MCM9: variants seen among roughly 807,000 people sequenced by gnomAD.
The protein encoded by MCM9 is DNA helicase MCM9.
A neutral mutation model predicts 72.8 loss-of-function variants in MCM9; 55 were observed. The observed-to-expected ratio is 0.76, with a 90% CI of 0.61 to 0.95. MCM9 has a LOEUF of 0.95. Ranked by LOEUF, MCM9 falls within the 40% of genes least tolerant of loss-of-function variation. The probability of loss-of-function intolerance (pLI) is 0.00; values close to 1 mark genes in which losing one functional copy is unlikely to be tolerated. For missense variants in MCM9, 1,279 were observed against 1,377.0 expected, an observed-to-expected ratio of 0.93 and a Z score of 1.13; for synonymous variants, 480 against 503.4, an observed-to-expected ratio of 0.95 and a Z score of 0.62.
At chr6:118,915,055 T>G (rs1780831576) in intron 6 of MCM9, among the ~76,000 whole-genome samples, 1 of 152,240 alleles carries the variant, frequency 6.6e-6, no homozygotes, top group Admixed American at 6.5e-5. Context: ...TTTTATTACC[T>G]GTATTATTTG....
chr6:118,885,950 A>T (rs1297983611), intron 8 of MCM9, among the ~76,000 whole-genome samples: 1 of 152,168 alleles, frequency 6.6e-6, no homozygotes, highest in Non-Finnish European at 1.5e-5. Context: ...TTATGTAGAA[A>T]GGATTATACA....
At chr6:118,894,439 T>C (rs2114478420) in intron 8 of MCM9, 1 of 1,537,114 alleles carries the variant, frequency 6.5e-7, no homozygotes, top group Non-Finnish European at 8.7e-7. Flanking sequence ...GTGAACAATG[T>C]AGTGGTGCTG....
chr6:118,857,748 G>A (rs754882044), intron 8 of MCM9, among the ~76,000 whole-genome samples: 6 of 151,546 alleles, frequency 4.0e-5, no homozygotes, highest in Non-Finnish European at 5.9e-5. Context: ...ATAACTCTAT[G>A]CCATACATTT....
chr6:118,839,072 G>A (rs1337540634), intron 9 of MCM9, among the ~76,000 whole-genome samples: 1 of 152,008 alleles, frequency 6.6e-6, no homozygotes, highest in East Asian at 1.9e-4. Context: ...ATCAATCGTA[G>A]GTTTGGTCTT....
intron 9 of MCM9, among the ~76,000 whole-genome samples, chr6:118,842,202 A>G (rs2114619171): frequency 6.6e-6 from 1 of 152,340 alleles, no homozygotes; most frequent in Admixed American, 6.5e-5. Flanking sequence ...AGTAGACATT[A>G]CATATATCAT....
chr6:118,842,189 T>C (rs1213062440), intron 9 of MCM9, among the ~76,000 whole-genome samples: 1 of 152,206 alleles, frequency 6.6e-6, no homozygotes, highest in African/African-American at 2.4e-5. Flanking sequence ...GTGAGTATAA[T>C]TCAGTAGACA....
chr6:118,829,372 A>C, intron 9 of MCM9, 122 bp from the exon 10 acceptor site: 2 of 843,628 alleles, frequency 2.4e-6, no homozygotes, highest in Non-Finnish European at 3.6e-6. Flanking sequence ...ATGAAAGAAA[A>C]TGTAGAATGA....
At chr6:118,830,826 G>A (rs1260170250) in intron 9 of MCM9, among the ~76,000 whole-genome samples, 2 of 152,146 alleles carry the variant, frequency 1.3e-5, no homozygotes, top group Non-Finnish European at 2.9e-5. Context: ...ATCCAAAAAG[G>A]TACATATCTG....
chr6:118,911,908 AGAAAG>A (rs1780583783), intron 7 of MCM9, 139 bp from the exon 8 acceptor site: 1 of 611,318 alleles, frequency 1.6e-6, no homozygotes, highest in African/African-American at 1.9e-5. Context: ...GAAAATCTTC[AGAAAG>A]TTAACTGTCA....
chr6:118,905,577 ACTGAAACTCCAGTCTTGC>A, intron 8 of MCM9: 2 of 1,235,516 alleles, frequency 1.6e-6, no homozygotes, highest in East Asian at 4.9e-5. Context: ...GTTCTAGGTA[ACTGAAACTCCAGTCTTGC>A]CTGCCACTAA....
At chr6:118,816,918 A>G (rs1195152683) in intron 13 of MCM9, among the ~76,000 whole-genome samples, 1 of 152,176 alleles carries the variant, frequency 6.6e-6, no homozygotes, top group African/African-American at 2.4e-5. Flanking sequence ...CTCCCCAGGC[A>G]ACTGTGACAA....
intron 3 of MCM9, among the ~76,000 whole-genome samples, chr6:118,931,135 T>C (rs1216540878): frequency 6.6e-6 from 1 of 152,214 alleles, no homozygotes; most frequent in Non-Finnish European, 1.5e-5. Flanking sequence ...CAAAAGCTCA[T>C]AAAGCTGTTT....
At chr6:118,905,566 G>A in intron 8 of MCM9, 1 of 1,046,560 alleles carries the variant, frequency 9.6e-7, no homozygotes, top group Non-Finnish European at 1.4e-6. Flanking sequence ...CTCAACTGAT[G>A]GTTCTAGGTA....
At chr6:118,821,635 T>C (rs948171963) in intron 13 of MCM9, among the ~76,000 whole-genome samples, 1 of 152,194 alleles carries the variant, frequency 6.6e-6, no homozygotes, top group African/African-American at 2.4e-5. Flanking sequence ...CTTAGTGGTG[T>C]TCTCTGTATT....
chr6:118,897,543 T>C (rs1404024360), intron 8 of MCM9, among the ~76,000 whole-genome samples: 2 of 152,164 alleles, frequency 1.3e-5, no homozygotes, highest in African/African-American at 2.4e-5. Context: ...CAGCTTGTTC[T>C]AATTCCAAAG....
At chr6:118,867,793 G>A (rs1239501091) in intron 8 of MCM9, among the ~76,000 whole-genome samples, 1 of 151,774 alleles carries the variant, frequency 6.6e-6, no homozygotes, top group African/African-American at 2.4e-5. Flanking sequence ...ATTGTAAAGT[G>A]ATATATGACT....
chr6:118,871,113 A>T (rs1028302586), intron 8 of MCM9, among the ~76,000 whole-genome samples: 12 of 152,182 alleles, frequency 7.9e-5, no homozygotes, highest in Non-Finnish European at 1.2e-4. Context: ...CCAATATCAC[A>T]CTAATACCAA....
Position 118,815,626 on chromosome 6 carries a change from T to C in MCM9, c.2630A>G (p.Gln877Arg). The C allele has an allele frequency of 6.4e-7, 1 of 1,550,486 alleles. No homozygotes were observed. The highest frequency in any genetic ancestry group is 8.7e-7 in the Non-Finnish European group (1 of 1,146,952). Residue 877 changes from glutamine (Q) to arginine (R), a missense_variant, in exon 14 of 14, where the codon CAG becomes CGG. Coordinates refer to ENST00000619706, the MANE Select transcript of MCM9 (RefSeq NM_017696.3). The stretch of plus-strand genomic sequence containing the variant: ...GTCTGGGCTATGTACAGGAGTGGAC[T>C]GAGGATGGGAAGGGACTGTGCACTG... ...PAQCTVPSHP[Q>R]STPVHSPDRM...
At chr6:118,816,397 T>C (rs1390525292) in intron 13 of MCM9, 103 bp from the exon 14 acceptor site, 3 of 960,014 alleles carry the variant, frequency 3.1e-6, no homozygotes, top group Non-Finnish European at 4.3e-6. Context: ...AAGATTTAAG[T>C]CCCACATAAT....
Sources: allele counts gnomAD v4.1 joint callset (sites outside exome capture counted in the v4.1 genomes callset), GRCh38; gene constraint gnomAD v4.1.1; transcripts MANE v1.5; gene names NCBI Gene and HGNC (gene_info 2026-07-23, HGNC 2026-07-21).